SYNE2: variants seen among roughly 807,000 people sequenced by gnomAD.
SYNE2 encodes spectrin repeat containing nuclear envelope protein 2, also known as nesprin-2.
In SYNE2, 431 loss-of-function variants were observed where a neutral mutation model predicts 856.3. That is an observed-to-expected ratio of 0.50 (90% confidence interval 0.47 to 0.55). SYNE2 has a LOEUF of 0.55. Ranked by LOEUF, SYNE2 falls within the 20% of genes least tolerant of loss-of-function variation. SYNE2 has a pLI of 0.00. For missense variants in SYNE2, 8,129 were observed against 8,023.2 expected (o/e 1.01, Z -0.50); for synonymous variants, 2,923 against 2,872.3 (o/e 1.02, Z -0.56).
intron 51 of SYNE2, among the ~76,000 whole-genome samples, chr14:64,066,298 T>C (rs896728926): frequency 6.6e-6 from 1 of 151,992 alleles, no homozygotes; most frequent in African/African-American, 2.4e-5. Context: ...CCAGGAGTTC[T>C]AGAACAGACC....
chr14:63,869,495 A>G (rs1376331304), intron 1 of SYNE2, among the ~76,000 whole-genome samples: 1 of 151,594 alleles, frequency 6.6e-6, no homozygotes, highest in Non-Finnish European at 1.5e-5. Flanking sequence ...GGTGGCGGGC[A>G]CCTGTAATCC....
intron 66 of SYNE2, among the ~76,000 whole-genome samples, chr14:64,116,975 A>G (rs1324702789): frequency 2.0e-5 from 3 of 152,262 alleles, no homozygotes; most frequent in Non-Finnish European, 4.4e-5. Flanking sequence ...GCCACTGTAC[A>G]GTCTATGGGT....
chr14:64,055,710 T>C (rs2097263153), intron 48 of SYNE2, among the ~76,000 whole-genome samples: 1 of 152,162 alleles, frequency 6.6e-6, no homozygotes, highest in Non-Finnish European at 1.5e-5. Context: ...TTAAAAATAA[T>C]AGTGTAATAT....
intron 105 of SYNE2, 38 bp from the exon 106 acceptor site, chr14:64,214,156 G>A (rs2098655185): frequency 1.9e-6 from 3 of 1,614,178 alleles, no homozygotes; most frequent in Non-Finnish European, 2.5e-6. Context: ...AGAAGCCTAT[G>A]AGTTGATTAA....
In SYNE2 at chr14:63,822,401, C is replaced by T. The variant is rs567186333; in HGVS notation, c.-304-30100C>T. Among the ~76,000 whole-genome samples, 121 of 152,228 alleles carry T rather than the reference C, an allele frequency of 7.9e-4. 1 individual carries two copies. Among genetic ancestry groups the T allele is most frequent in the Non-Finnish European group, 1.3e-3 (90 of 68,016 alleles). ...TCCCTGAAAATCTCCATTCCCAAGG[C>T]CTGTCTTTATTTGACCTGAGTAGGC... On this transcript the variant is annotated intron_variant, in intron 1 of 23. Coordinates refer to the SYNE2 transcript ENST00000674003.
At chr14:63,807,597 T>C (rs1378992978) in intron 1 of SYNE2, among the ~76,000 whole-genome samples, 1 of 151,186 alleles carries the variant, frequency 6.6e-6, no homozygotes, top group African/African-American at 2.4e-5. Flanking sequence ...GTTTTTTCTC[T>C]CTGCGCAATG....
intron 79 of SYNE2, among the ~76,000 whole-genome samples, chr14:64,139,588 T>G (rs2098124667): frequency 6.6e-6 from 1 of 151,862 alleles, no homozygotes; most frequent in Non-Finnish European, 1.5e-5. Flanking sequence ...TTTTCTGTAT[T>G]TTTTAGTAGA....
At position 63,977,994 on chromosome 14, in the gene SYNE2, C is replaced by A. The variant is rs951244303; in HGVS notation, c.1383C>A (p.Asn461Lys). 31 of 1,612,144 alleles carry A rather than the reference C, an allele frequency of 1.9e-5. No individual in the cohort carries two copies. The highest frequency in any genetic ancestry group is 2.5e-5 in the Non-Finnish European group (30 of 1,178,234). Residue 461 changes from asparagine (N) to lysine (K), a missense_variant, in exon 13 of 116, where the codon AAC becomes AAA. Asn to Lys is a moderately conservative substitution (Grantham distance 94). Around this residue, in one of 3 missense-constraint regions of SYNE2, gnomAD observed 2,422 missense variants for 2,357.4 expected, o/e 1.03. Transcript: ENST00000555002. ...DENHLPLVPPNKLEEMKRRIN... is the reference protein window; with the variant it reads ...DENHLPLVPPKKLEEMKRRIN... Reference sequence around the variant, plus strand: ...ATCACTTGCCATTGGTACCACCTAACAAATTGGAGGAAATGAAAAGACGGT... The same window carrying A: ...ATCACTTGCCATTGGTACCACCTAAAAAATTGGAGGAAATGAAAAGACGGT...
chr14:64,073,203 G>C (rs2097426651), intron 52 of SYNE2, among the ~76,000 whole-genome samples: 1 of 152,088 alleles, frequency 6.6e-6, no homozygotes, highest in Non-Finnish European at 1.5e-5. Context: ...TTGGAGGTAG[G>C]GGTGGTACTG....
rs765218485 is a variant in SYNE2, at chr14:64,225,517, C to A, written c.20715C>A (p.Pro6905=). 2 of 1,614,058 alleles carry A rather than the reference C, an allele frequency of 1.2e-6. No homozygotes were observed. Residue 6905 remains proline, a synonymous_variant, in exon 116 of 116, where the codon CCC becomes CCA. Coordinates refer to ENST00000555002, the MANE Select transcript of SYNE2 (RefSeq NM_182914.3). ...TGCTGAGGTACACCAATGGGCCACC[C>A]CCCACATAGAGGGCATAGCTGGCCA... ...YPMLRYTNGP[P]PT is the part of the protein sequence containing the mutation.
intron 2 of SYNE2, among the ~76,000 whole-genome samples, chr14:63,939,398 A>G (rs1311478597): frequency 7.2e-6 from 1 of 138,374 alleles, no homozygotes; most frequent in Non-Finnish European, 1.5e-5. Flanking sequence ...CCCAGGCTGG[A>G]GTGCAGTGTC....
intron 32 of SYNE2, among the ~76,000 whole-genome samples, chr14:64,014,929 T>TTA (rs372523173): frequency 2.1e-3 from 169 of 78,698 alleles, no homozygotes; most frequent in South Asian, 0.013. Flanking sequence ...GTATAATTCC[T>TTA]TATATATATA....
rs2098649732 is a variant in SYNE2, at chr14:64,213,085, C to A, written c.19056+80C>A. 4.1e-6 allele frequency: 6 copies of A among 1,450,332 alleles called. No individual in the cohort carries two copies. In the South Asian group the frequency reaches 7.0e-5, roughly 17 times the overall value. 89.8% of individuals were successfully genotyped at this position (1,450,332 alleles called of 1,614,324 possible). ...ACCAAATTTTTAAAGAATTAGGGGA[C>A]CTGTCTTATAATGGTTAATTATGGT... On this transcript the variant is annotated intron_variant, in intron 105 of 115. Coordinates refer to ENST00000555002, the MANE Select transcript of SYNE2 (RefSeq NM_182914.3).
intron 66 of SYNE2, among the ~76,000 whole-genome samples, chr14:64,115,204 A>G (rs2097844869): frequency 1.3e-5 from 2 of 152,178 alleles, no homozygotes; most frequent in Non-Finnish European, 2.9e-5. Context: ...GAGTTCAAGG[A>G]TTTCCAGGCT....
chr14:64,039,626 T>C (rs1217810953), intron 45 of SYNE2, among the ~76,000 whole-genome samples: 1 of 152,226 alleles, frequency 6.6e-6, no homozygotes, highest in Non-Finnish European at 1.5e-5. Flanking sequence ...GATAGAATGG[T>C]CATTTTCCAC....
chr14:64,050,411 AT>A (rs2097216929), intron 47 of SYNE2, among the ~76,000 whole-genome samples: 1 of 152,256 alleles, frequency 6.6e-6, no homozygotes, highest in African/African-American at 2.4e-5. Context: ...CATGCAAAAA[AT>A]AATTTATATA....
intron 2 of SYNE2, among the ~76,000 whole-genome samples, chr14:63,939,379 G>A (rs1225581022): frequency 2.2e-5 from 3 of 136,996 alleles, no homozygotes; most frequent in African/African-American, 2.9e-5. Context: ...ACGAAGTCTC[G>A]CATTGTCACC....
At chr14:64,108,932 T>G (rs983981575) in intron 65 of SYNE2, among the ~76,000 whole-genome samples, 1 of 151,986 alleles carries the variant, frequency 6.6e-6, no homozygotes, top group African/African-American at 2.4e-5. Flanking sequence ...TGGAGTGCAG[T>G]GGCCACAATC....
At position 64,002,068 on chromosome 14, in the gene SYNE2, AT is replaced by A. The variant is rs762458062; in HGVS notation, c.3774del (p.Gln1259AsnfsTer3). On this transcript the variant is annotated frameshift_variant, in exon 29 of 116. Coordinates refer to ENST00000555002, the MANE Select transcript of SYNE2 (RefSeq NM_182914.3). LOFTEE classifies it high-confidence loss of function. The stretch of plus-strand genomic sequence containing the variant: ...CATCTCATTGATGCTGATCGCATCT[AT>A]CAACACCTAAGGGTAAGTATATAAG... ...GFHLIDADRI[Y>X]QHLRNIQDSI... is the part of the protein sequence containing the mutation. 2 of 1,612,356 alleles carry A rather than the reference AT, an allele frequency of 1.2e-6. No homozygotes were observed. Among genetic ancestry groups the A allele is most frequent in the Non-Finnish European group, 1.7e-6 (2 of 1,178,422 alleles).
Sources: allele counts gnomAD v4.1 joint callset (sites outside exome capture counted in the v4.1 genomes callset), GRCh38; gene constraint gnomAD v4.1.1; regional missense constraint gnomAD v4.1.1; transcripts MANE v1.5; gene names NCBI Gene and HGNC (gene_info 2026-07-23, HGNC 2026-07-21).